The following GP6 variants were observed in gnomAD, a reference collection of about 807,000 sequenced individuals.
The protein encoded by GP6 is glycoprotein VI platelet, also known as platelet glycoprotein VI.
In GP6, 45 loss-of-function variants were observed where a neutral mutation model predicts 37.3. That is an observed-to-expected ratio of 1.21 (90% CI 0.95 to 1.55). The LOEUF (loss-of-function observed/expected upper bound fraction) is 1.55. Ranked by LOEUF, GP6 falls within the 40% of genes most tolerant of loss-of-function variation. The pLI is 0.00. For missense variants in GP6, 813 were observed against 760.2 expected, an observed-to-expected ratio of 1.07 and a Z score of -0.82; for synonymous variants, 340 against 316.4, an observed-to-expected ratio of 1.07 and a Z score of -0.79.
intron 2 of GP6, 34 bp downstream of exon 2, chr19:55,032,472 C>CT: frequency 6.2e-7 from 1 of 1,613,676 alleles, no homozygotes; most frequent in Non-Finnish European, 8.5e-7. Flanking sequence ...CTGGCGGATC[C>CT]CGCAGGAGGG....
Position 55,014,465 on chromosome 19 carries a change from A to T in GP6, c.1480T>A (p.Ser494Thr). The T allele has an allele frequency of 6.2e-7, 1 of 1,613,874 alleles. No individual in the cohort carries two copies. The highest frequency in any genetic ancestry group is 8.5e-7 in the Non-Finnish European group (1 of 1,179,770). The change falls in exon 8 of 8, where the codon TCC (serine) becomes ACC (threonine). Residue 494 changes from serine (S) to threonine (T), a missense_variant. By Grantham distance (58) the Ser-to-Thr change is moderately conservative. Transcript: ENST00000310373. ...TTTGTTAGACCGCAGTGGGAGATGG[A>T]GTGAGGGTGAGAGTTTCTGGGGAAA... is the stretch of plus-strand genomic sequence containing the variant.
chr19:55,032,103 C>T (rs1250156097), intron 3 of GP6, 36 bp downstream of exon 3: 2 of 1,607,826 alleles, frequency 1.2e-6, no homozygotes, highest in Non-Finnish European at 1.7e-6. Context: ...GAACGGAGGA[C>T]CACGCAGTCC....
At chr19:55,024,066 A>G (rs11084382) in intron 5 of GP6, among the ~76,000 whole-genome samples, 111,598 of 151,900 alleles carry the variant, frequency 0.73, 41,560 homozygotes, top group Middle Eastern at 0.83. Context: ...AAATTGGCAT[A>G]GAACTAGACA....
At chr19:55,017,420 T>A (rs558453801) in intron 6 of GP6, among the ~76,000 whole-genome samples, 2 of 151,994 alleles carry the variant, frequency 1.3e-5, no homozygotes, top group East Asian at 3.9e-4. Context: ...ACTGTAAAAA[T>A]TGCTGTAATA....
intron 1 of GP6, among the ~76,000 whole-genome samples, chr19:55,034,629 G>A (rs1353985503): frequency 5.3e-5 from 8 of 151,314 alleles, no homozygotes; most frequent in Admixed American, 6.6e-5. Context: ...CTCAGAAAAC[G>A]AAGAGGAGGA....
At position 55,013,885 on chromosome 19, in the gene GP6, G is replaced by T. The variant is rs2073737421; in HGVS notation, c.*197C>A. ...GGTACAGTTTTACACTCATTAGATG[G>T]TCAAGAAATGCCTAAACGCTATAAT... On this transcript the variant is annotated 3_prime_UTR_variant, in exon 8 of 8. Coordinates refer to ENST00000310373, the MANE Select transcript of GP6 (RefSeq NM_001083899.2). 1.4e-5 allele frequency: 5 copies of T among 364,106 alleles called. No homozygotes were observed. The highest frequency in any genetic ancestry group is 2.7e-5 in the Non-Finnish European group (5 of 185,222). The allele number at this position is 364,106 out of a possible 1,614,324, so 22.6% of individuals were successfully genotyped here.
chr19:55,024,661 C>A (rs115131135), intron 5 of GP6, among the ~76,000 whole-genome samples: 34 of 152,270 alleles, frequency 2.2e-4, no homozygotes, highest in African/African-American at 7.9e-4. Context: ...CAGTGGTTCT[C>A]AAAGCAGCAT....
At position 55,019,723 on chromosome 19, in the gene GP6, G is replaced by T. The variant is rs7250129; in HGVS notation, c.665-1012C>A. On this transcript the variant is annotated intron_variant, in intron 5 of 7. Coordinates refer to ENST00000310373, the MANE Select transcript of GP6 (RefSeq NM_001083899.2). Reference sequence around the variant, plus strand: ...GACAGAGTCTTACTCTGTCGTCCAGGCTGGAGTGCAGTGGTGCAATCTCGG... The same window carrying T: ...GACAGAGTCTTACTCTGTCGTCCAGTCTGGAGTGCAGTGGTGCAATCTCGG... Among the ~76,000 whole-genome samples the T allele has an allele frequency of 6.6e-3, 964 of 146,688 alleles. 7 individuals carry two copies. Among genetic ancestry groups the T allele is most frequent in the African/African-American group, 0.023 (898 of 39,656 alleles).
Position 55,014,393 on chromosome 19 carries a change from A to G in GP6, c.1552T>C (p.Ser518Pro), listed in dbSNP as rs753087191. Residue 518 changes from serine (S) to proline (P), a missense_variant, in exon 8 of 8, where the codon TCA becomes CCA. By Grantham distance (74) the Ser-to-Pro change is moderately conservative. Coordinates refer to ENST00000310373, the MANE Select transcript of GP6 (RefSeq NM_001083899.2). ...AGTTTTACACTAAGGAAAATGAATG[A>G]CATACCCAAACTGCCTGCAAGACCC... The G allele has an allele frequency of 8.1e-6, 13 of 1,613,436 alleles. No homozygotes were observed. The Admixed American group carries it at 2.2e-4, about 27-fold the overall frequency.
chr19:55,032,215 A>G lies in GP6; in HGVS notation c.249T>C (p.Ala83=), dbSNP rs559176407. 3.1e-6 allele frequency: 5 copies of G among 1,614,082 alleles called. No individual in the cohort carries two copies. The highest frequency in any genetic ancestry group is 8.5e-7 in the Non-Finnish European group (1 of 1,179,948). The stretch of plus-strand genomic sequence containing the variant: ...TCTGGTAGGAGCAGCGGTAGCGTCC[A>G]GCCAGACTTCTCTTCATGGCCGGGA... The change falls in exon 3 of 8, where the codon GCT becomes GCC. Residue 83 remains alanine (A), a synonymous_variant. Coordinates refer to ENST00000310373, the MANE Select transcript of GP6 (RefSeq NM_001083899.2).
Position 55,025,279 on chromosome 19 carries a change from A to G in GP6, c.611-8T>C, listed in dbSNP as rs1427195569. On this transcript the variant is annotated splice_region_variant and splice_polypyrimidine_tract_variant and intron_variant, in intron 4 of 7. Transcript: ENST00000310373. ...TGGGGGTCACAGAGGTTCCTGGGAAATCAGAAAATGAGATAAATCTGTGCT... is the reference window on the plus strand; with the variant it reads ...TGGGGGTCACAGAGGTTCCTGGGAAGTCAGAAAATGAGATAAATCTGTGCT... 1.3e-6 allele frequency: 2 copies of G among 1,531,952 alleles called. No individual in the cohort carries two copies. Among genetic ancestry groups the G allele is most frequent in the African/African-American group, 2.8e-5 (2 of 72,640 alleles). 94.9% of individuals were successfully genotyped at this position (1,531,952 alleles called of 1,614,324 possible). A position where few individuals can be genotyped will look rare whatever the true frequency, so the allele number is the denominator to read the frequency against.
intron 5 of GP6, among the ~76,000 whole-genome samples, chr19:55,019,205 A>G (rs1000612224): frequency 2.0e-5 from 3 of 149,942 alleles, no homozygotes; most frequent in Admixed American, 6.7e-5. Flanking sequence ...TCCTGGGTTC[A>G]AGCGATTCTC....
chr19:55,024,861 C>T (rs1014606346), intron 5 of GP6, among the ~76,000 whole-genome samples: 1 of 149,172 alleles, frequency 6.7e-6, no homozygotes, highest in African/African-American at 2.5e-5. Flanking sequence ...AAACAGAGTC[C>T]CGGACTCTAC....
chr19:55,023,839 C>T (rs759436574), intron 5 of GP6, among the ~76,000 whole-genome samples: 15 of 152,038 alleles, frequency 9.9e-5, no homozygotes, highest in Non-Finnish European at 1.8e-4. Context: ...ATATCTCAAA[C>T]GGTTGCATAC....
intron 6 of GP6, among the ~76,000 whole-genome samples, 163 bp downstream of exon 6, chr19:55,018,489 G>A (rs1022789633): frequency 6.6e-6 from 1 of 152,234 alleles, no homozygotes; most frequent in African/African-American, 2.4e-5. Flanking sequence ...CTGAACCCCA[G>A]AGCTCCACTC....
intron 3 of GP6, among the ~76,000 whole-genome samples, chr19:55,029,845 G>C (rs1343552260): frequency 1.7e-5 from 1 of 59,848 alleles, no homozygotes; most frequent in Non-Finnish European, 3.7e-5. Flanking sequence ...GAGGCAGCCA[G>C]GCTGGTCCAT....
chr19:55,020,370 T>G (rs2074035161), intron 5 of GP6, among the ~76,000 whole-genome samples: 1 of 151,976 alleles, frequency 6.6e-6, no homozygotes, highest in African/African-American at 2.4e-5. Context: ...ATCCTCTCCC[T>G]CCCCCAATTC....
chr19:55,033,879 T>A (rs2074707802), intron 1 of GP6, among the ~76,000 whole-genome samples: 1 of 152,084 alleles, frequency 6.6e-6, no homozygotes, highest in Non-Finnish European at 1.5e-5. Context: ...TTTACAACAT[T>A]TGCTTGAATC....
intron 6 of GP6, 46 bp downstream of exon 6, chr19:55,018,606 G>T: frequency 9.4e-7 from 1 of 1,058,278 alleles, no homozygotes; most frequent in Non-Finnish European, 1.5e-6. Flanking sequence ...AGAGAGCTCC[G>T]TCCTCACACT....
Sources: allele counts gnomAD v4.1 joint callset (sites outside exome capture counted in the v4.1 genomes callset), GRCh38; gene constraint gnomAD v4.1.1; transcripts MANE v1.5; gene names NCBI Gene and HGNC (gene_info 2026-07-23, HGNC 2026-07-21).